Variants in CDKAL1 observed in about 807,000 individuals in gnomAD.
CDKAL1 encodes CDKAL1 threonylcarbamoyladenosine tRNA methylthiotransferase.
Under a neutral mutation model 68.2 loss-of-function variants are expected in CDKAL1, and 32 were observed. That is an observed-to-expected ratio of 0.47 (90% confidence interval 0.35 to 0.63). CDKAL1 has a LOEUF of 0.63. CDKAL1 is among the 30% of genes least tolerant of loss of function. The pLI, the probability that CDKAL1 is intolerant of heterozygous loss-of-function variation, is 0.00. For missense variants in CDKAL1, 606 were observed against 696.7 expected (o/e 0.87, Z 1.47); for synonymous variants, 234 against 244.3 (o/e 0.96, Z 0.39).
At chr6:20,904,179 G>A (rs1051710581) in intron 9 of CDKAL1, among the ~76,000 whole-genome samples, 1 of 152,052 alleles carries the variant, frequency 6.6e-6, no homozygotes, top group Non-Finnish European at 1.5e-5. Context: ...TTGTTTTTGT[G>A]CCCTCCCTGC....
intron 5 of CDKAL1, among the ~76,000 whole-genome samples, chr6:20,706,250 A>G (rs1046528102): frequency 2.6e-5 from 4 of 152,138 alleles, no homozygotes; most frequent in African/African-American, 9.7e-5. Context: ...CTTGCCTGGT[A>G]TGGGGAGGCA....
At chr6:20,720,873 G>A (rs1381447810) in intron 5 of CDKAL1, among the ~76,000 whole-genome samples, 1 of 152,072 alleles carries the variant, frequency 6.6e-6, no homozygotes, top group African/African-American at 2.4e-5. Context: ...TTGTCTTTTT[G>A]TGCCTGCCTT....
intron 8 of CDKAL1, among the ~76,000 whole-genome samples, chr6:20,796,007 T>C (rs1776095226): frequency 6.6e-6 from 1 of 152,186 alleles, no homozygotes; most frequent in Non-Finnish European, 1.5e-5. Context: ...CCTGGGTTCT[T>C]ATTTCCAAAG....
chr6:21,020,429 C>G lies in CDKAL1; in HGVS notation c.1055+20057C>G, dbSNP rs1357881032. ...AACTCTGTTAGAGTTCACAGGTTCACAGGTACTATTACGTACTTCTGTCTT... is the reference window on the plus strand; with the variant it reads ...AACTCTGTTAGAGTTCACAGGTTCAGAGGTACTATTACGTACTTCTGTCTT... On this transcript the variant is annotated intron_variant, in intron 11 of 15. Transcript: ENST00000274695. Among the ~76,000 whole-genome samples, 3 of 152,158 alleles carry G rather than the reference C, an allele frequency of 2.0e-5. No homozygotes were observed. In the East Asian group the frequency reaches 5.8e-4, roughly 29 times the overall value.
intron 6 of CDKAL1, among the ~76,000 whole-genome samples, chr6:20,745,923 A>T (rs925556731): frequency 1.3e-5 from 2 of 152,160 alleles, no homozygotes; most frequent in Non-Finnish European, 2.9e-5. Context: ...CTCTGTGTTT[A>T]ACTTTGGTAT....
intron 11 of CDKAL1, among the ~76,000 whole-genome samples, chr6:21,011,524 G>A (rs1307401256): frequency 6.6e-6 from 1 of 152,182 alleles, no homozygotes; most frequent in African/African-American, 2.4e-5. Flanking sequence ...CGTGTGTCTG[G>A]CACTTGTTAG....
rs1561931952 is a variant in CDKAL1 at position 20,568,753 on chromosome 6, A to AAAAAC, written c.286+20052_286+20053insCAAAA. Reference sequence around the variant, plus strand: ...CCGCCTCAAAAAAAAAAAAAAAACAAAAAAACAAAAAAACAAAGAAATGTG... The same window carrying AAAAAC: ...CCGCCTCAAAAAAAAAAAAAAAACAAAAAACAAAAACAAAAAAACAAAGAAATGTG... On this transcript the variant is annotated intron_variant, in intron 4 of 15. Transcript: ENST00000274695. 4.9e-4 allele frequency among the ~76,000 whole-genome samples: 63 copies of AAAAAC among 127,504 alleles called. 6 individuals carry two copies. In the Middle Eastern group the frequency reaches 0.013, roughly 26 times the overall value. 83.6% of individuals were successfully genotyped at this position (127,504 alleles called of 152,430 possible). A position where few individuals can be genotyped will look rare whatever the true frequency, so the allele number is the denominator to read the frequency against.
At chr6:20,859,639 T>C (rs776470217) in intron 9 of CDKAL1, among the ~76,000 whole-genome samples, 10 of 152,126 alleles carry the variant, frequency 6.6e-5, no homozygotes, top group Non-Finnish European at 1.0e-4. Context: ...AGGAAAAAAA[T>C]GATGGTGAGT....
At chr6:21,034,977 T>A (rs1769492972) in intron 11 of CDKAL1, among the ~76,000 whole-genome samples, 1 of 152,184 alleles carries the variant, frequency 6.6e-6, no homozygotes, top group Admixed American at 6.5e-5. Context: ...AAGTTTACAC[T>A]GTGGTAGATT....
intron 10 of CDKAL1, among the ~76,000 whole-genome samples, chr6:20,966,084 C>A (rs1765296370): frequency 6.6e-6 from 1 of 150,560 alleles, no homozygotes; most frequent in Non-Finnish European, 1.5e-5. Context: ...TCAGGTGATT[C>A]ATGATCTAGA....
At chr6:20,860,013 A>G (rs1004559013) in intron 9 of CDKAL1, among the ~76,000 whole-genome samples, 11 of 152,168 alleles carry the variant, frequency 7.2e-5, no homozygotes, top group African/African-American at 2.2e-4. Context: ...TTTGAAGGGA[A>G]CATTTTTTCT....
intron 5 of CDKAL1, among the ~76,000 whole-genome samples, chr6:20,650,176 C>T (rs942824011): frequency 3.3e-5 from 5 of 152,164 alleles, no homozygotes; most frequent in Non-Finnish European, 7.4e-5. Context: ...TTTACATTCC[C>T]ACCAACAGTG....
intron 10 of CDKAL1, among the ~76,000 whole-genome samples, chr6:20,961,103 A>C (rs1291535428): frequency 6.6e-6 from 1 of 152,208 alleles, no homozygotes; most frequent in Non-Finnish European, 1.5e-5. Flanking sequence ...GAAAAGAGTA[A>C]GTATCTGGAT....
At chr6:20,940,232 A>T (rs1447064790) in intron 9 of CDKAL1, among the ~76,000 whole-genome samples, 2 of 152,198 alleles carry the variant, frequency 1.3e-5, no homozygotes, top group Admixed American at 1.3e-4. Context: ...TACATAAATG[A>T]AGCACAAAAT....
At position 20,649,328 on chromosome 6, in the gene CDKAL1, A is replaced by G; in HGVS notation, c.322A>G (p.Ser108Gly). 6.2e-7 allele frequency: 1 copy of G among 1,608,354 alleles called. No individual in the cohort carries two copies. Among genetic ancestry groups the G allele is most frequent in the Non-Finnish European group, 8.5e-7 (1 of 1,178,614 alleles). The stretch of plus-strand genomic sequence containing the variant: ...CGATGCAGATTTATGGCTCCTGAAC[A>G]GTTGCACTGTAAAAAACCCAGCTGA... The part of the protein sequence containing the change: ...ASDADLWLLN[S>G]CTVKNPAEDH... Residue 108 changes from serine (S) to glycine (G), a missense_variant, in exon 5 of 16, where the codon AGT becomes GGT. Transcript: ENST00000274695.
At chr6:20,774,947 C>T (rs540185754) in intron 7 of CDKAL1, among the ~76,000 whole-genome samples, 108 of 152,204 alleles carry the variant, frequency 7.1e-4, no homozygotes, top group Non-Finnish European at 1.4e-3. Flanking sequence ...CGTAACAACT[C>T]AGAGAGATGT....
chr6:20,707,122 A>G (rs1771635478), intron 5 of CDKAL1, among the ~76,000 whole-genome samples: 1 of 152,242 alleles, frequency 6.6e-6, no homozygotes, highest in Non-Finnish European at 1.5e-5. Flanking sequence ...GAGTTACATT[A>G]CACAAAACAA....
chr6:20,888,515 C>G (rs1369263365), intron 9 of CDKAL1, among the ~76,000 whole-genome samples: 2 of 93,080 alleles, frequency 2.1e-5, no homozygotes, highest in Admixed American at 1.3e-4. Context: ...TGCTATCCCT[C>G]CCCCCTCCCC....
At chr6:21,221,376 A>G (rs891386531) in intron 15 of CDKAL1, among the ~76,000 whole-genome samples, 14 of 151,752 alleles carry the variant, frequency 9.2e-5, no homozygotes, top group Non-Finnish European at 1.5e-5. Flanking sequence ...CTACAAGCAC[A>G]TGCCACAATA....
Sources: gnomAD v4.1 joint callset for allele counts (sites outside exome capture counted in the v4.1 genomes callset) on GRCh38, gnomAD v4.1.1 for gene constraint, MANE v1.5 for transcripts, NCBI Gene and HGNC (gene_info 2026-07-23, HGNC 2026-07-21) for gene names.